Variants in SEC14L1 observed in about 807,000 individuals in gnomAD.
The protein encoded by SEC14L1 is SEC14 like lipid binding 1, also known as SEC14-like protein 1.
Under a neutral mutation model 85.3 loss-of-function variants are expected in SEC14L1, and 48 were observed. The observed-to-expected ratio is 0.56, with a 90% confidence interval of 0.45 to 0.72. SEC14L1 has a LOEUF of 0.72. SEC14L1 is among the 30% of genes least tolerant of loss of function. The pLI is 0.00. For missense variants in SEC14L1, 682 were observed against 921.4 expected, an observed-to-expected ratio of 0.74 and a Z score of 3.36; for synonymous variants, 391 against 355.5, an observed-to-expected ratio of 1.10 and a Z score of -1.12.
At chr17:77,191,461 G>A in intron 5 of SEC14L1, 149 bp downstream of exon 5, 1 of 892,952 alleles carries the variant, frequency 1.1e-6, no homozygotes, top group South Asian at 1.6e-5. Flanking sequence ...GTAGGAGGAA[G>A]GGTAGCAGGT....
chr17:77,139,583 T>C (rs201472992), upstream of SEC14L1, among the ~76,000 whole-genome samples: 25 of 149,856 alleles, frequency 1.7e-4, no homozygotes, highest in East Asian at 4.7e-3. Context: ...CTGCAAGCTC[T>C]GCCTCCAGGG....
chr17:77,175,625 C>T (rs974927929), intron 3 of SEC14L1, among the ~76,000 whole-genome samples: 9 of 152,150 alleles, frequency 5.9e-5, no homozygotes, highest in Non-Finnish European at 1.2e-4. Context: ...TAAAACAATA[C>T]TTGAAGTCAC....
chr17:77,136,265 C>G (rs1381530778), upstream of SEC14L1, among the ~76,000 whole-genome samples: 1 of 148,652 alleles, frequency 6.7e-6, no homozygotes, highest in Non-Finnish European at 1.5e-5. Flanking sequence ...CTTTCTTTCT[C>G]TCTTTTTCTC....
intron 3 of SEC14L1, among the ~76,000 whole-genome samples, chr17:77,189,202 G>A (rs1162183633): frequency 6.6e-6 from 1 of 152,166 alleles, no homozygotes; most frequent in Non-Finnish European, 1.5e-5. Context: ...CTGAGCAGGG[G>A]AAGCTGGCTT....
At chr17:77,089,548 A>G in intron 2 of SEC14L1, 1 of 475,124 alleles carries the variant, frequency 2.1e-6, no homozygotes, top group South Asian at 1.5e-5. Flanking sequence ...TGCTTTTCAA[A>G]ACTTCATAAA....
rs3834559 is a variant in SEC14L1, at chr17:77,142,630, CTTT to C, written c.-135-8_-135-6del. On this transcript the variant is annotated splice_polypyrimidine_tract_variant and intron_variant, in intron 1 of 16. Coordinates refer to ENST00000436233, the MANE Select transcript of SEC14L1 (RefSeq NM_001143998.2). ...ATACATCTTGGTAATTTGTCTCTCTCTTTTTTTTTTAACAGCTAGACTTCGGGC... is the reference window on the plus strand; with the variant it reads ...ATACATCTTGGTAATTTGTCTCTCTCTTTTTTTAACAGCTAGACTTCGGGC... 2 of 144,554 alleles carry C rather than the reference CTTT, an allele frequency of 1.4e-5. No individual in the cohort carries two copies. Among genetic ancestry groups the C allele is most frequent in the African/African-American group, 2.5e-5 (1 of 39,486 alleles). The allele number at this position is 144,554 out of a possible 1,614,324, so 9.0% of individuals were successfully genotyped here. A position where few individuals can be genotyped will look rare whatever the true frequency, so the allele number is the denominator to read the frequency against.
intron 8 of SEC14L1, 36 bp downstream of exon 8, chr17:77,196,347 G>C (rs947720120): frequency 2.4e-5 from 30 of 1,227,362 alleles, no homozygotes; most frequent in Non-Finnish European, 3.5e-5. Flanking sequence ...TGCAGGGCCA[G>C]AGCTACGTGA....
intron 9 of SEC14L1, among the ~76,000 whole-genome samples, chr17:77,203,133 C>T (rs891919923): frequency 6.6e-6 from 1 of 152,130 alleles, no homozygotes; most frequent in African/African-American, 2.4e-5. Flanking sequence ...TTTAAAAGTA[C>T]TCTGTAGTCA....
At chr17:77,163,103 C>A (rs534014229) in intron 3 of SEC14L1, among the ~76,000 whole-genome samples, 4 of 152,126 alleles carry the variant, frequency 2.6e-5, no homozygotes, top group African/African-American at 9.7e-5. Flanking sequence ...AGGGGATTGA[C>A]GTAGCTCCTG....
chr17:77,209,253 T>G, intron 13 of SEC14L1, 89 bp from the exon 14 acceptor site: 1 of 1,498,812 alleles, frequency 6.7e-7, no homozygotes. Flanking sequence ...AGAAGTTGAG[T>G]GCAGGGGGAT....
chr17:77,194,994 C>A, intron 7 of SEC14L1, 83 bp downstream of exon 7: 1 of 988,576 alleles, frequency 1.0e-6, no homozygotes, highest in South Asian at 1.4e-5. Context: ...TCTGCCTGTT[C>A]CCGCTTCCTT....
intron 3 of SEC14L1, among the ~76,000 whole-genome samples, chr17:77,106,375 T>TA (rs960762722): frequency 1.3e-5 from 2 of 151,024 alleles, no homozygotes; most frequent in African/African-American, 4.9e-5. Flanking sequence ...CTACTAAAAA[T>TA]ACAAAAATTA....
At chr17:77,110,074 C>T (rs767388570) in intron 3 of SEC14L1, among the ~76,000 whole-genome samples, 6 of 152,058 alleles carry the variant, frequency 3.9e-5, no homozygotes, top group Non-Finnish European at 7.4e-5. Context: ...GTCATGTTAC[C>T]CAGAATAGAG....
chr17:77,200,314 A>G (rs1392928113), intron 8 of SEC14L1, among the ~76,000 whole-genome samples, 170 bp from the exon 9 acceptor site: 3 of 152,038 alleles, frequency 2.0e-5, no homozygotes, highest in Non-Finnish European at 4.4e-5. Context: ...GATTACAGGC[A>G]TGCACCACCA....
intron 3 of SEC14L1, among the ~76,000 whole-genome samples, chr17:77,118,668 T>G (rs1363479735): frequency 6.6e-6 from 1 of 152,248 alleles, no homozygotes; most frequent in African/African-American, 2.4e-5. Context: ...ATGCTTTTTC[T>G]AAGTCAAGGT....
Position 77,206,359 on chromosome 17 carries a change from A to G in SEC14L1, c.1300A>G (p.Ile434Val). Reference sequence around the variant, plus strand: ...CCCTGAGACACTGGGCCGCCTTCTCATCCTGCGGGCGCCCAGGGTATTTCC... The same window carrying G: ...CCCTGAGACACTGGGCCGCCTTCTCGTCCTGCGGGCGCCCAGGGTATTTCC... ...NYPETLGRLL[I>V]LRAPRVFPVL... The change falls in exon 12 of 17, where the codon ATC becomes GTC. Residue 434 changes from isoleucine to valine, a missense_variant. By Grantham distance (29) the Ile-to-Val change is conservative. This residue lies in a region of SEC14L1 where 420 missense variants were observed against 619.5 expected (regional missense o/e 0.68). Coordinates refer to ENST00000436233, the MANE Select transcript of SEC14L1 (RefSeq NM_001143998.2). This position sits in a 1 kb window ranked among gnomAD's most constrained non-coding sequence, Gnocchi z 4.3. 1 of 1,614,034 alleles carries G rather than the reference A, an allele frequency of 6.2e-7. No individual in the cohort carries two copies. Among genetic ancestry groups the G allele is most frequent in the Non-Finnish European group, 8.5e-7 (1 of 1,179,926 alleles).
chr17:77,182,979 G>A (rs1444200810), intron 3 of SEC14L1, among the ~76,000 whole-genome samples: 7 of 152,230 alleles, frequency 4.6e-5, no homozygotes, highest in Non-Finnish European at 5.9e-5. Context: ...GCCCCGTCCC[G>A]CTGTGCTGCG....
intron 15 of SEC14L1, 140 bp downstream of exon 15, chr17:77,212,341 T>A: frequency 2.4e-6 from 3 of 1,263,142 alleles, no homozygotes; most frequent in Non-Finnish European, 2.2e-6. Context: ...GCAGCTTGCC[T>A]GGAGGAGCAG....
chr17:77,147,655 C>T (rs1222339760), intron 3 of SEC14L1, among the ~76,000 whole-genome samples: 10 of 152,124 alleles, frequency 6.6e-5, no homozygotes, highest in Non-Finnish European at 1.5e-5. Context: ...ATGCTTCTTC[C>T]TTCTACCCAG....
Sources: gnomAD v4.1 joint callset for allele counts (sites outside exome capture counted in the v4.1 genomes callset) on GRCh38, gnomAD v4.1.1 for gene constraint, gnomAD v4.1.1 regional missense constraint, Gnocchi (gnomAD v3.1) non-coding constraint, MANE v1.5 for transcripts, NCBI Gene and HGNC (gene_info 2026-07-23, HGNC 2026-07-21) for gene names.